The following WBP4 variants were observed in gnomAD, a reference collection of about 807,000 sequenced individuals.
The protein encoded by WBP4 is WW domain-binding protein 4.
Under a neutral mutation model 55.4 loss-of-function variants are expected in WBP4, and 37 were observed. The observed-to-expected ratio is 0.67, with a 90% CI of 0.51 to 0.88. WBP4 has a LOEUF of 0.88. Among genes scored for constraint, WBP4 ranks in the 40% least tolerant of loss-of-function variants. The pLI, the probability that WBP4 is intolerant of heterozygous loss-of-function variation, is 0.00. For synonymous variants in WBP4, 142 were observed against 140.2 expected (o/e 1.01, Z -0.09); for missense variants, 398 against 420.8 (o/e 0.95, Z 0.47).
At position 41,065,169 on chromosome 13, in the gene WBP4, A is replaced by T; in HGVS notation, c.144A>T (p.Lys48Asn). Residue 48 changes from lysine (K) to asparagine (N), a missense_variant, in exon 4 of 10, where the codon AAA (lysine) becomes AAT (asparagine). By Grantham distance (94) the Lys-to-Asn change is moderately conservative (BLOSUM62 0). Coordinates refer to ENST00000379487, the MANE Select transcript of WBP4 (RefSeq NM_007187.5). ...GTTATGTATGTCTTACATAGATTAAACAGAAAAGCCTGGATAAGGCAAAGG... is the reference window on the plus strand; with the variant it reads ...GTTATGTATGTCTTACATAGATTAATCAGAAAAGCCTGGATAAGGCAAAGG... ...ENVAKRISEIKQKSLDKAKEE... is the reference protein window; with the variant it reads ...ENVAKRISEINQKSLDKAKEE... The T allele has an allele frequency of 2.5e-6, 4 of 1,611,178 alleles. No individual in the cohort carries two copies. Among genetic ancestry groups the T allele is most frequent in the Non-Finnish European group, 3.4e-6 (4 of 1,179,148 alleles).
intron 8 of WBP4, among the ~76,000 whole-genome samples, chr13:41,080,237 A>G (rs1878710061): frequency 6.6e-6 from 1 of 152,244 alleles, no homozygotes; most frequent in African/African-American, 2.4e-5. Context: ...GGAAAAGGAA[A>G]AAAATTACAA....
intron 6 of WBP4, 137 bp downstream of exon 6, chr13:41,071,710 T>TC: frequency 1.3e-6 from 1 of 762,550 alleles, no homozygotes; most frequent in East Asian, 2.7e-5. Context: ...TCCTTTTTTT[T>TC]CCCATAATGC....
chr13:41,062,232 AGTAGTCTT>A (rs754159064), intron 1 of WBP4: 51 of 982,856 alleles, frequency 5.2e-5, no homozygotes, highest in Non-Finnish European at 5.8e-5. Context: ...TTTTCCCCAG[AGTAGTCTT>A]GTACGTTGTT....
At chr13:41,062,858 A>T in intron 2 of WBP4, 142 bp downstream of exon 2, 1 of 608,806 alleles carries the variant, frequency 1.6e-6, no homozygotes, top group East Asian at 3.0e-5. Context: ...CTGTCTTCTC[A>T]GTCCCCTATG....
chr13:41,067,941 A>G (rs916061567), intron 4 of WBP4, among the ~76,000 whole-genome samples: 52 of 152,112 alleles, frequency 3.4e-4, no homozygotes, highest in African/African-American at 1.2e-3. Context: ...TTTAATAAAA[A>G]GGGGGGAAGG....
intron 1 of WBP4, chr13:41,061,977 G>A (rs947713957): frequency 1.1e-6 from 1 of 919,590 alleles, no homozygotes; most frequent in Non-Finnish European, 1.3e-6. Context: ...CGACGCTGTC[G>A]GGGGTCGCAT....
chr13:41,061,700 CAACG>C (rs1413188769), intron 1 of WBP4, 25 bp downstream of exon 1: 2 of 1,613,958 alleles, frequency 1.2e-6, no homozygotes, highest in Non-Finnish European at 1.7e-6. Flanking sequence ...AGGCCCTGAA[CAACG>C]AGGTGTTGTT....
intron 4 of WBP4, among the ~76,000 whole-genome samples, chr13:41,067,315 G>C: frequency 6.6e-6 from 1 of 152,184 alleles, no homozygotes; most frequent in Admixed American, 6.5e-5. Flanking sequence ...TACTGGATTT[G>C]GTCATTCTTT....
chr13:41,083,045 TTAAAA>T lies in WBP4; in HGVS notation c.*136_*140del, dbSNP rs1472236092. On this transcript the variant is annotated 3_prime_UTR_variant, in exon 10 of 10. Transcript: ENST00000379487. ...TTATTCTAAATGTATTTGATGTGAA[TTAAAA>T]TAAATATTTTTTCATGTGAAATTTA... 5.6e-6 allele frequency: 5 copies of T among 893,454 alleles called. No individual in the cohort carries two copies. The highest frequency in any genetic ancestry group is 2.9e-5 in the Admixed American group (1 of 33,954). 55.3% of individuals were successfully genotyped at this position (893,454 alleles called of 1,614,324 possible).
chr13:41,074,590 CTA>C (rs1345042208), intron 7 of WBP4, among the ~76,000 whole-genome samples: 42 of 152,174 alleles, frequency 2.8e-4, no homozygotes, highest in Non-Finnish European at 1.9e-4. Flanking sequence ...GTTACTGAGC[CTA>C]TAGTCACTCT....
intron 8 of WBP4, among the ~76,000 whole-genome samples, chr13:41,076,533 G>A (rs1004987513): frequency 2.0e-5 from 3 of 151,810 alleles, no homozygotes; most frequent in African/African-American, 4.8e-5. Context: ...TACTTGCCTC[G>A]GCGTCCCAAA....
chr13:41,080,862 A>T, intron 9 of WBP4, 53 bp downstream of exon 9: 2 of 1,539,046 alleles, frequency 1.3e-6, no homozygotes, highest in South Asian at 2.4e-5. Context: ...TTTACATCCC[A>T]GTACTTCCCT....
chr13:41,076,354 CT>C (rs1878493485), intron 8 of WBP4, 117 bp downstream of exon 8: 4 of 763,388 alleles, frequency 5.2e-6, no homozygotes, highest in Non-Finnish European at 7.6e-6. Flanking sequence ...TCTTGGCTCA[CT>C]GTAACCTCCA....
In WBP4 at chr13:41,077,381, C is replaced by T. The variant is rs138101546; in HGVS notation, c.756+1144C>T. Among the ~76,000 whole-genome samples, 657 of 152,064 alleles carry T rather than the reference C, an allele frequency of 4.3e-3. 6 individuals are homozygous for T. The highest frequency in any genetic ancestry group is 0.015 in the African/African-American group (618 of 41,480). ...GTGCCTCATGCCTGTAATCTCAGCA[C>T]TTTGGGAGGCTGAGGCAGGAGAATC... On this transcript the variant is annotated intron_variant, in intron 8 of 9. Coordinates refer to ENST00000379487, the MANE Select transcript of WBP4 (RefSeq NM_007187.5).
At chr13:41,068,777 A>G (rs2138466486) in intron 5 of WBP4, 40 bp downstream of exon 5, 2 of 1,501,964 alleles carry the variant, frequency 1.3e-6, no homozygotes, top group Middle Eastern at 3.6e-4. Context: ...GAACAGTGTC[A>G]CTAGTAGAAT....
intron 2 of WBP4, among the ~76,000 whole-genome samples, chr13:41,064,802 A>G (rs1400907210): frequency 6.6e-6 from 1 of 152,174 alleles, no homozygotes; most frequent in South Asian, 2.1e-4. Context: ...TTTAAGAACC[A>G]AAGGAAACCT....
chr13:41,080,580 T>C (rs1179011765), intron 8 of WBP4, 66 bp from the exon 9 acceptor site: 1 of 1,282,222 alleles, frequency 7.8e-7, no homozygotes, highest in Non-Finnish European at 1.1e-6. Context: ...TTTAAAAGCC[T>C]TAAATTTTAT....
chr13:41,083,531 CGTT>C lies in WBP4; in HGVS notation c.*621_*623del, dbSNP rs1407226942. The stretch of plus-strand genomic sequence containing the variant: ...CCCCAGTTCACTTCAAAGCAGCAAA[CGTT>C]GTTTAAGCATTTTAGTTTGAACCAG... On this transcript the variant is annotated 3_prime_UTR_variant, in exon 10 of 10. Transcript: ENST00000379487. 1 of 152,278 alleles carries C rather than the reference CGTT, an allele frequency of 6.6e-6. No individual in the cohort carries two copies. The highest frequency in any genetic ancestry group is 1.5e-5 in the Non-Finnish European group (1 of 68,138). 9.4% of individuals were successfully genotyped at this position (152,278 alleles called of 1,614,324 possible).
rs181529359 is a variant in WBP4, at chr13:41,078,247, C to G, written c.756+2010C>G. ...CATTACTTGGCCTCAGACTATATTC[C>G]AAGGCTGTCATAACCAAAACAGCAC... On this transcript the variant is annotated intron_variant, in intron 8 of 9. Transcript: ENST00000379487. 5.3e-5 allele frequency among the ~76,000 whole-genome samples: 8 copies of G among 152,246 alleles called. No individual in the cohort carries two copies. In the East Asian group the frequency reaches 1.5e-3, roughly 29 times the overall value.
Sources: gnomAD v4.1 joint callset for allele counts (sites outside exome capture counted in the v4.1 genomes callset) on GRCh38, gnomAD v4.1.1 for gene constraint, MANE v1.5 for transcripts, NCBI Gene and HGNC (gene_info 2026-07-23, HGNC 2026-07-21) for gene names.